The following PSMG2 variants were observed in gnomAD, a reference collection of about 807,000 sequenced individuals.
The protein encoded by PSMG2 is proteasome assembly chaperone 2.
Under a neutral mutation model 31.5 loss-of-function variants are expected in PSMG2, and 21 were observed. That is an observed-to-expected ratio of 0.67 (90% CI 0.47 to 0.96). PSMG2 has a LOEUF of 0.96. PSMG2 is among the 40% of genes least tolerant of loss of function. The pLI is 0.00. For synonymous variants in PSMG2, 120 were observed against 110.4 expected, an observed-to-expected ratio of 1.09 and a Z score of -0.54; for missense variants, 318 against 321.2, an observed-to-expected ratio of 0.99 and a Z score of 0.08.
intron 1 of PSMG2, chr18:12,678,971 G>A (rs187152992): frequency 1.3e-5 from 2 of 152,130 alleles, no homozygotes; most frequent in Admixed American, 6.6e-5. Context: ...AAAAAAGTTT[G>A]CCTCAGATAA....
At chr18:12,694,850 A>G (rs1428327724) in intron 1 of PSMG2, among the ~76,000 whole-genome samples, 1 of 150,358 alleles carries the variant, frequency 6.7e-6, no homozygotes, top group Admixed American at 6.6e-5. Context: ...AGCTGGTACT[A>G]CAGGTGCCTG....
chr18:12,674,747 C>G, intron 1 of PSMG2: 1 of 1,610,264 alleles, frequency 6.2e-7, no homozygotes, highest in Non-Finnish European at 8.5e-7. Flanking sequence ...GTAGTGAGGC[C>G]AAGATCCTAT....
chr18:12,723,316 A>G (rs1321228342), intron 5 of PSMG2, among the ~76,000 whole-genome samples: 1 of 152,004 alleles, frequency 6.6e-6, no homozygotes, highest in Non-Finnish European at 1.5e-5. Context: ...GCCTTGGTGT[A>G]TCTCCATCTC....
intron 1 of PSMG2, among the ~76,000 whole-genome samples, chr18:12,675,657 C>A (rs1419796573): frequency 6.6e-6 from 1 of 151,682 alleles, no homozygotes; most frequent in Non-Finnish European, 1.5e-5. Flanking sequence ...CAACATGATT[C>A]CATTTATTTT....
intron 3 of PSMG2, 21 bp from the exon 4 acceptor site, chr18:12,718,496 T>C: frequency 6.8e-7 from 1 of 1,481,444 alleles, no homozygotes; most frequent in Non-Finnish European, 9.2e-7. Context: ...TTTCTTTTTA[T>C]TCTCTCAATG....
intron 1 of PSMG2, among the ~76,000 whole-genome samples, chr18:12,681,977 C>G (rs1031503483): frequency 6.7e-6 from 1 of 149,026 alleles, no homozygotes; most frequent in African/African-American, 2.5e-5. Context: ...GCCTGGACAA[C>G]AGAGTGAGAC....
intron 1 of PSMG2, among the ~76,000 whole-genome samples, chr18:12,667,613 T>C (rs1200027219): frequency 1.3e-5 from 2 of 151,152 alleles, no homozygotes; most frequent in African/African-American, 4.9e-5. Context: ...ATACAAAAAT[T>C]AGCCGGGCGT....
At chr18:12,702,693 G>A (rs1200031582), upstream of PSMG2, 2 of 864,534 alleles carry the variant, frequency 2.3e-6, no homozygotes, top group East Asian at 3.0e-5. Context: ...GGGACGCAAC[G>A]CCGCGTCAGG....
At chr18:12,662,575 A>C (rs2038715386) in intron 1 of PSMG2, among the ~76,000 whole-genome samples, 1 of 152,210 alleles carries the variant, frequency 6.6e-6, no homozygotes, top group African/African-American at 2.4e-5. Flanking sequence ...CACAAGTTTG[A>C]GACCAGCCTG....
At chr18:12,683,328 G>A (rs1204272711) in intron 1 of PSMG2, among the ~76,000 whole-genome samples, 1 of 151,472 alleles carries the variant, frequency 6.6e-6, no homozygotes. Flanking sequence ...CTCCAGCCTG[G>A]GCGACAGAGC....
intron 2 of PSMG2, 38 bp from the exon 3 acceptor site, chr18:12,712,664 C>T: frequency 1.4e-6 from 2 of 1,438,500 alleles, no homozygotes; most frequent in Non-Finnish European, 1.9e-6. Flanking sequence ...TGTATAACTT[C>T]ACTGTCATAT....
Position 12,703,059 on chromosome 18 carries a change from G to C in PSMG2, c.-49G>C, listed in dbSNP as rs757961366. 1 of 1,593,952 alleles carries C rather than the reference G, an allele frequency of 6.3e-7. No homozygotes were observed. Among genetic ancestry groups the C allele is most frequent in the Non-Finnish European group, 8.5e-7 (1 of 1,169,724 alleles). ...GGGCTTCCGCCTTCTTGCTGCCCTC[G>C]TTCTTGCCAGGGCCGCGGTTAGTCC... On this transcript the variant is annotated 5_prime_UTR_variant, in exon 1 of 7. Transcript: ENST00000317615.
intron 1 of PSMG2, chr18:12,691,404 T>C: frequency 6.2e-7 from 1 of 1,608,378 alleles, no homozygotes; most frequent in Non-Finnish European, 8.5e-7. Flanking sequence ...AGGGTCGAAT[T>C]TGCAAATATT....
At chr18:12,692,995 A>T (rs2039823076) in intron 1 of PSMG2, among the ~76,000 whole-genome samples, 2 of 152,184 alleles carry the variant, frequency 1.3e-5, no homozygotes, top group East Asian at 1.9e-4. Context: ...GTTAATTTTT[A>T]AAAATTTTTG....
intron 1 of PSMG2, among the ~76,000 whole-genome samples, chr18:12,661,154 A>C (rs926373746): frequency 6.6e-5 from 10 of 152,110 alleles, no homozygotes; most frequent in African/African-American, 2.4e-4. Context: ...CTAAAAATAC[A>C]AAAATTAGCT....
At chr18:12,718,141 T>C (rs966260488) in intron 3 of PSMG2, among the ~76,000 whole-genome samples, 2 of 151,870 alleles carry the variant, frequency 1.3e-5, no homozygotes, top group African/African-American at 4.8e-5. Flanking sequence ...CCTGAGTAGC[T>C]GGGATTATAG....
At chr18:12,673,733 T>A (rs1005338330) in intron 1 of PSMG2, among the ~76,000 whole-genome samples, 7 of 151,898 alleles carry the variant, frequency 4.6e-5, no homozygotes, top group African/African-American at 1.7e-4. Context: ...TTACAAAAAT[T>A]AGCCGCGTGT....
At chr18:12,704,675 A>G (rs1480792565) in intron 1 of PSMG2, among the ~76,000 whole-genome samples, 1 of 152,204 alleles carries the variant, frequency 6.6e-6, no homozygotes, top group African/African-American at 2.4e-5. Context: ...GAGAAACAAG[A>G]AATGAGGTTG....
intron 1 of PSMG2, among the ~76,000 whole-genome samples, chr18:12,705,596 T>C (rs1479470447): frequency 6.6e-6 from 1 of 151,768 alleles, no homozygotes; most frequent in African/African-American, 2.4e-5. Context: ...TGTGTGTGTG[T>C]GTGTGTGTTT....
Sources: gnomAD v4.1 joint callset for allele counts (sites outside exome capture counted in the v4.1 genomes callset) on GRCh38, gnomAD v4.1.1 for gene constraint, MANE v1.5 for transcripts, NCBI Gene and HGNC (gene_info 2026-07-23, HGNC 2026-07-21) for gene names.